Variants in GRM8 observed in about 807,000 individuals in gnomAD.
GRM8 encodes metabotropic glutamate receptor 8.
In GRM8, 47 loss-of-function variants were observed where a neutral mutation model predicts 87.2. That is an observed-to-expected ratio of 0.54 (90% CI 0.43 to 0.69). GRM8 has a LOEUF of 0.69. Ranked by LOEUF, GRM8 falls within the 30% of genes least tolerant of loss-of-function variation. The pLI is 0.00. For synonymous variants in GRM8, 396 were observed against 404.5 expected (o/e 0.98, Z 0.25); for missense variants, 1,019 against 1,139.2 (o/e 0.89, Z 1.52).
At chr7:126,644,423 T>C (rs1802813080) in intron 7 of GRM8, among the ~76,000 whole-genome samples, 1 of 152,164 alleles carries the variant, frequency 6.6e-6, no homozygotes, top group African/African-American at 2.4e-5. Context: ...GCCGTGACCA[T>C]ATGGCAGTGT....
intron 3 of GRM8, among the ~76,000 whole-genome samples, chr7:127,105,756 T>C (rs1361963): frequency 0.45 from 68,419 of 152,046 alleles, 16,964 homozygotes; most frequent in African/African-American, 0.67. Flanking sequence ...CACAAAGATA[T>C]GTTGTTGACA....
At chr7:126,642,589 G>T (rs1040138850) in intron 7 of GRM8, among the ~76,000 whole-genome samples, 2 of 151,964 alleles carry the variant, frequency 1.3e-5, no homozygotes, top group Non-Finnish European at 2.9e-5. Flanking sequence ...GCAGTGAGCC[G>T]AGATCATGCC....
At chr7:126,590,366 C>A (rs567498084) in intron 8 of GRM8, among the ~76,000 whole-genome samples, 2 of 151,860 alleles carry the variant, frequency 1.3e-5, no homozygotes, top group East Asian at 3.9e-4. Flanking sequence ...ACAAAGCCTG[C>A]AAGAAGTTTG....
intron 8 of GRM8, among the ~76,000 whole-genome samples, chr7:126,590,881 CT>C (rs1335923608): frequency 2.6e-5 from 4 of 152,240 alleles, no homozygotes; most frequent in Middle Eastern, 3.4e-3. Flanking sequence ...TGCTCTAAAT[CT>C]TGAAACAAAT....
At chr7:126,823,999 G>C (rs1223159696) in intron 6 of GRM8, among the ~76,000 whole-genome samples, 1 of 152,134 alleles carries the variant, frequency 6.6e-6, no homozygotes, top group African/African-American at 2.4e-5. Context: ...GAGAGAGAAG[G>C]CAATCTCTCT....
intron 8 of GRM8, among the ~76,000 whole-genome samples, chr7:126,537,628 T>A (rs746417795): frequency 5.9e-5 from 9 of 152,046 alleles, no homozygotes; most frequent in Non-Finnish European, 1.0e-4. Context: ...TACAAAAAAA[T>A]TAGCCGGGCA....
chr7:126,551,001 G>T (rs142207170), intron 8 of GRM8, among the ~76,000 whole-genome samples: 129 of 151,496 alleles, frequency 8.5e-4, no homozygotes, highest in East Asian at 5.0e-3. Flanking sequence ...TACAAAAAAG[G>T]AAAATAATAA....
rs151288633 is a variant in GRM8, at chr7:126,866,686, G to A, written c.1156+35856C>T. On this transcript the variant is annotated intron_variant, in intron 6 of 10. Coordinates refer to ENST00000339582, the MANE Select transcript of GRM8 (RefSeq NM_000845.3). ...GGCTCACAGCAACCTCCGCCTCCCC[G>A]ATTCAAGCAATTCTCCTGCCTCAGC... 2.3e-3 allele frequency among the ~76,000 whole-genome samples: 312 copies of A among 134,236 alleles called. 1 individual carries two copies. The highest frequency in any genetic ancestry group is 8.0e-3 in the African/African-American group (284 of 35,530). 88.1% of individuals were successfully genotyped at this position (134,236 alleles called of 152,430 possible). A position where few individuals can be genotyped will look rare whatever the true frequency, so the allele number is the denominator to read the frequency against.
At chr7:126,883,915 C>A (rs1800247029) in intron 6 of GRM8, among the ~76,000 whole-genome samples, 1 of 151,974 alleles carries the variant, frequency 6.6e-6, no homozygotes, top group Non-Finnish European at 1.5e-5. Flanking sequence ...AGCACATTTT[C>A]TGAAATATCA....
intron 3 of GRM8, among the ~76,000 whole-genome samples, chr7:126,976,901 A>T (rs1586650989): frequency 6.8e-6 from 1 of 146,212 alleles, no homozygotes; most frequent in East Asian, 2.0e-4. Flanking sequence ...TATTTTCATT[A>T]TTTTTTTTTT....
At chr7:127,203,956 G>A (rs560278774) in intron 2 of GRM8, among the ~76,000 whole-genome samples, 6 of 152,152 alleles carry the variant, frequency 3.9e-5, no homozygotes, top group African/African-American at 1.2e-4. Context: ...TTATATAAAC[G>A]TATGTCATGC....
At chr7:126,638,005 A>G (rs762670641) in intron 7 of GRM8, among the ~76,000 whole-genome samples, 4 of 152,260 alleles carry the variant, frequency 2.6e-5, no homozygotes, top group Non-Finnish European at 4.4e-5. Context: ...TATCTCCTGA[A>G]GTTTGTTTAA....
At chr7:126,475,230 A>T (rs1461652399) in intron 9 of GRM8, among the ~76,000 whole-genome samples, 1 of 152,184 alleles carries the variant, frequency 6.6e-6, no homozygotes, top group Admixed American at 6.5e-5. Flanking sequence ...CATACAGGAA[A>T]ATCTAAAAAC....
intron 2 of GRM8, among the ~76,000 whole-genome samples, chr7:127,230,231 T>C (rs149873463): frequency 6.6e-6 from 1 of 152,212 alleles, no homozygotes; most frequent in African/African-American, 2.4e-5. Flanking sequence ...GGACCCCCAG[T>C]TTTGTGTCCA....
intron 2 of GRM8, among the ~76,000 whole-genome samples, chr7:127,207,024 G>A (rs1795953099): frequency 6.6e-6 from 1 of 152,138 alleles, no homozygotes; most frequent in Admixed American, 6.5e-5. Flanking sequence ...GAGGAATGAA[G>A]GAAAAATAAG....
intron 7 of GRM8, among the ~76,000 whole-genome samples, chr7:126,722,880 G>C (rs1204613023): frequency 3.6e-5 from 3 of 83,808 alleles, no homozygotes; most frequent in East Asian, 3.3e-4. Flanking sequence ...CTAATCCTGA[G>C]AGCCTGTGAA....
intron 2 of GRM8, among the ~76,000 whole-genome samples, chr7:127,184,363 A>G (rs1794630564): frequency 6.6e-6 from 1 of 151,940 alleles, no homozygotes; most frequent in Non-Finnish European, 1.5e-5. Flanking sequence ...AAACCAATGA[A>G]TGTAATTCAC....
intron 2 of GRM8, among the ~76,000 whole-genome samples, chr7:127,136,935 AT>A (rs894107013): frequency 3.9e-5 from 6 of 152,042 alleles, no homozygotes; most frequent in African/African-American, 1.5e-4. Flanking sequence ...ATCTAAGGAT[AT>A]TTACATATAT....
chr7:126,578,345 A>G (rs1398965935), intron 8 of GRM8, among the ~76,000 whole-genome samples: 8 of 152,172 alleles, frequency 5.3e-5, no homozygotes, highest in Admixed American at 5.2e-4. Flanking sequence ...CATCCTAAAG[A>G]TCGAATGGAA....
Sources: allele counts gnomAD v4.1 joint callset (sites outside exome capture counted in the v4.1 genomes callset), GRCh38; gene constraint gnomAD v4.1.1; transcripts MANE v1.5; gene names NCBI Gene and HGNC (gene_info 2026-07-23, HGNC 2026-07-21).